Variants in MRC1 observed in about 807,000 individuals in gnomAD.
The protein encoded by MRC1 is mannose receptor C-type 1, also known as macrophage mannose receptor 1.
A neutral mutation model predicts 102.9 loss-of-function variants in MRC1; 62 were observed. The ratio of observed to expected loss-of-function variants is 0.60; its 90% CI spans 0.49 to 0.74. The LOEUF is 0.74. Ranked by LOEUF, MRC1 falls within the 30% of genes least tolerant of loss-of-function variation. MRC1 has a pLI of 0.00. For synonymous variants in MRC1, 457 were observed against 298.4 expected (o/e 1.53, Z -5.48); for missense variants, 1,237 against 862.8 (o/e 1.43, Z -5.43).
rs1025920682 is a variant in MRC1, at chr10:17,857,341, C to T, written c.1518+989C>T. Among the ~76,000 whole-genome samples the T allele has an allele frequency of 4.6e-5, 7 of 152,344 alleles. No homozygotes were observed. The East Asian group carries it at 5.8e-4, about 13-fold the overall frequency. ...TATCCTTTGTTTCAGTTCCAGCATACGTTCATATTCTTTGCCTGATCATAT... is the reference window on the plus strand; with the variant it reads ...TATCCTTTGTTTCAGTTCCAGCATATGTTCATATTCTTTGCCTGATCATAT... On this transcript the variant is annotated intron_variant, in intron 9 of 29. Transcript: ENST00000569591.
intron 22 of MRC1, among the ~76,000 whole-genome samples, chr10:17,889,215 G>A (rs1833641336): frequency 1.3e-5 from 2 of 152,062 alleles, no homozygotes; most frequent in South Asian, 4.1e-4. Context: ...ATTAATTTGT[G>A]TAGTTAGACC....
chr10:17,844,259 C>A (rs1248225642), intron 5 of MRC1, among the ~76,000 whole-genome samples: 1 of 152,070 alleles, frequency 6.6e-6, no homozygotes, highest in Non-Finnish European at 1.5e-5. Context: ...CACTCTGTCA[C>A]CCCGGCTGGA....
intron 1 of MRC1, among the ~76,000 whole-genome samples, chr10:17,820,654 G>A (rs912844544): frequency 8.6e-5 from 13 of 152,026 alleles, no homozygotes; most frequent in Admixed American, 7.2e-4. Flanking sequence ...ACTAAGCAAA[G>A]CTATCTGAAA....
At position 17,898,191 on chromosome 10, in the gene MRC1, C is replaced by T; in HGVS notation, c.3408C>T (p.Pro1136=). ...CCCTTATAGCCAGCATTCTGGATCC[C>T]TACAGTAATGCATTTGCGTGGCTGC... The part of the protein sequence containing the change: ...HNSLIASILD[P]YSNAFAWLQM... Residue 1136 remains proline (P), a synonymous_variant, in exon 24 of 30, where the codon CCC becomes CCT. Coordinates refer to ENST00000569591, the MANE Select transcript of MRC1 (RefSeq NM_002438.4). 1.3e-6 allele frequency: 1 copy of T among 780,860 alleles called. No homozygotes were observed. The allele number at this position is 780,860 out of a possible 1,614,324, so 48.4% of individuals were successfully genotyped here.
At chr10:17,866,493 C>T (rs917995805) in intron 11 of MRC1, 69 bp from the exon 12 acceptor site, 1 of 780,582 alleles carries the variant, frequency 1.3e-6, no homozygotes, top group African/African-American at 1.7e-5. Context: ...TTCTGAGTGC[C>T]TTCTGTGAGC....
intron 26 of MRC1, 69 bp from the exon 27 acceptor site, chr10:17,906,817 G>T: frequency 1.3e-6 from 1 of 780,182 alleles, no homozygotes; most frequent in Admixed American, 1.7e-5. Context: ...CAATAGCAGT[G>T]CTGTTTACAA....
intron 1 of MRC1, among the ~76,000 whole-genome samples, chr10:17,817,740 A>G (rs1226014690): frequency 6.6e-6 from 1 of 152,206 alleles, no homozygotes; most frequent in Non-Finnish European, 1.5e-5. Flanking sequence ...CGATCTGTTC[A>G]TCTTTGCCGT....
chr10:17,813,180 A>G (rs1391504813), intron 1 of MRC1, among the ~76,000 whole-genome samples: 1 of 152,190 alleles, frequency 6.6e-6, no homozygotes, highest in Non-Finnish European at 1.5e-5. Context: ...GACTTTGCTC[A>G]ACGGCTTGTA....
chr10:17,898,431 G>A (rs1833784730), intron 24 of MRC1, among the ~76,000 whole-genome samples, 165 bp downstream of exon 24: 1 of 152,228 alleles, frequency 6.6e-6, no homozygotes, highest in Non-Finnish European at 1.5e-5. Context: ...GGGACGTGAT[G>A]CCTTTAAGGA....
intron 11 of MRC1, 61 bp downstream of exon 11, chr10:17,863,743 G>A: frequency 2.6e-6 from 2 of 759,704 alleles, no homozygotes; most frequent in South Asian, 2.8e-5. Context: ...GATAAAGTCT[G>A]TTATTCCTCC....
chr10:17,827,561 C>A lies in MRC1; in HGVS notation c.483C>A (p.Gly161=). The A allele has an allele frequency of 1.3e-6, 1 of 780,794 alleles. No individual in the cohort carries two copies. 48.4% of individuals were successfully genotyped at this position (780,794 alleles called of 1,614,324 possible). The change falls in exon 3 of 30, where the codon GGC becomes GGA. Residue 161 remains glycine, a synonymous_variant. Transcript: ENST00000569591. The part of the protein sequence containing the change: ...RGYEAMYTLL[G]NANGATCAFP... Reference sequence around the variant, plus strand: ...TTCCAGCCATGTATACGCTACTAGGCAATGCCAATGGAGCAACCTGTGCAT... The same window carrying A: ...TTCCAGCCATGTATACGCTACTAGGAAATGCCAATGGAGCAACCTGTGCAT...
At chr10:17,847,130 A>T (rs1838837677) in intron 6 of MRC1, among the ~76,000 whole-genome samples, 1 of 150,502 alleles carries the variant, frequency 6.6e-6, no homozygotes, top group Non-Finnish European at 1.5e-5. Context: ...TACCTCTACT[A>T]TTCCTCCTCT....
chr10:17,812,097 C>T (rs1838232019), intron 1 of MRC1, among the ~76,000 whole-genome samples: 2 of 152,172 alleles, frequency 1.3e-5, no homozygotes, highest in African/African-American at 4.8e-5. Context: ...CTTCCTTCCA[C>T]CTTCAGGAGA....
At chr10:17,880,487 A>G (rs960234258) in intron 19 of MRC1, 38 bp from the exon 20 acceptor site, 2 of 780,190 alleles carry the variant, frequency 2.6e-6, no homozygotes, top group African/African-American at 3.4e-5. Flanking sequence ...TAAAACATAA[A>G]CATATGAATC....
intron 28 of MRC1, 137 bp from the exon 29 acceptor site, chr10:17,909,169 C>G: frequency 1.5e-6 from 1 of 667,946 alleles, no homozygotes; most frequent in Non-Finnish European, 2.7e-6. Context: ...ATTTTTATAT[C>G]TATCATATCA....
At chr10:17,886,953 C>T (rs940222658) in intron 22 of MRC1, among the ~76,000 whole-genome samples, 53 of 145,872 alleles carry the variant, frequency 3.6e-4, no homozygotes, top group African/African-American at 1.3e-3. Flanking sequence ...TGAACTTTGT[C>T]GAATAAGCAA....
chr10:17,820,055 C>T (rs907866362), intron 1 of MRC1, among the ~76,000 whole-genome samples: 15 of 152,168 alleles, frequency 9.9e-5, no homozygotes, highest in African/African-American at 9.7e-5. Flanking sequence ...TTAAGATCTT[C>T]GCCTGACTGG....
chr10:17,893,502 G>A (rs1280383686), intron 22 of MRC1, among the ~76,000 whole-genome samples: 8 of 152,108 alleles, frequency 5.3e-5, no homozygotes, highest in Non-Finnish European at 1.2e-4. Flanking sequence ...AAATTAAAGT[G>A]TAGATAGTAC....
intron 17 of MRC1, 34 bp downstream of exon 17, chr10:17,875,287 A>G: frequency 1.3e-6 from 1 of 778,442 alleles, no homozygotes; most frequent in Middle Eastern, 2.3e-4. Context: ...AAATTTTAAT[A>G]GTTTTTGGGG....
Sources: gnomAD v4.1 joint callset for allele counts (sites outside exome capture counted in the v4.1 genomes callset) on GRCh38, gnomAD v4.1.1 for gene constraint, MANE v1.5 for transcripts, NCBI Gene and HGNC (gene_info 2026-07-23, HGNC 2026-07-21) for gene names.